ARHGAP15: variants seen among roughly 807,000 people sequenced by gnomAD.
ARHGAP15 encodes the protein Rho GTPase activating protein 15, also known as rho GTPase-activating protein 15.
A neutral mutation model predicts 63.7 loss-of-function variants in ARHGAP15; 51 were observed. That is an observed-to-expected ratio of 0.80 (90% confidence interval 0.64 to 1.01). The LOEUF is 1.01. Among genes scored for constraint, ARHGAP15 ranks in the 50% least tolerant of loss-of-function variants. ARHGAP15 has a pLI of 0.00. For synonymous variants in ARHGAP15, 191 were observed against 193.8 expected (o/e 0.99, Z 0.12); for missense variants, 560 against 564.6 (o/e 0.99, Z 0.08).
intron 11 of ARHGAP15, among the ~76,000 whole-genome samples, chr2:143,606,053 A>AAAAAAAAAAAAAAAAAAAAAC (rs1698006610): frequency 7.4e-6 from 1 of 134,548 alleles, no homozygotes; most frequent in East Asian, 2.1e-4. Flanking sequence ...AAAAAAAAAA[A>AAAAAAAAAAAAAAAAAAAAAC]AAAAAAAAAA....
intron 3 of ARHGAP15, among the ~76,000 whole-genome samples, chr2:143,205,563 C>A (rs1018344077): frequency 6.6e-6 from 1 of 152,196 alleles, no homozygotes; most frequent in Middle Eastern, 3.4e-3. Flanking sequence ...TTTGTTTTCA[C>A]TTCCAAGCTT....
At chr2:143,655,260 C>A (rs1478324344) in intron 12 of ARHGAP15, among the ~76,000 whole-genome samples, 2 of 151,972 alleles carry the variant, frequency 1.3e-5, no homozygotes, top group Non-Finnish European at 2.9e-5. Context: ...TATCCCTCGA[C>A]CCCCTCCCAC....
intron 9 of ARHGAP15, among the ~76,000 whole-genome samples, chr2:143,490,283 G>A (rs1692530068): frequency 6.6e-6 from 1 of 152,172 alleles, no homozygotes; most frequent in African/African-American, 2.4e-5. Flanking sequence ...ACAGGCATGA[G>A]CCACCACGCC....
chr2:143,536,660 G>A (rs1313718570), intron 10 of ARHGAP15, among the ~76,000 whole-genome samples: 3 of 151,788 alleles, frequency 2.0e-5, no homozygotes, highest in South Asian at 2.1e-4. Context: ...TGCTGAGAAT[G>A]ATGGTTTCCA....
intron 10 of ARHGAP15, among the ~76,000 whole-genome samples, chr2:143,537,904 A>C (rs556280009): frequency 2.6e-5 from 4 of 151,536 alleles, no homozygotes; most frequent in African/African-American, 9.7e-5. Context: ...AGTTTTTTCC[A>C]ATTCTGTGAA....
intron 6 of ARHGAP15, among the ~76,000 whole-genome samples, chr2:143,400,327 G>A (rs1687936503): frequency 6.6e-6 from 1 of 151,972 alleles, no homozygotes; most frequent in African/African-American, 2.4e-5. Flanking sequence ...GGCTCTACAG[G>A]AGGAGTTTGC....
At chr2:143,626,850 G>A (rs1175237481) in intron 12 of ARHGAP15, among the ~76,000 whole-genome samples, 3 of 152,072 alleles carry the variant, frequency 2.0e-5, no homozygotes, top group Non-Finnish European at 4.4e-5. Flanking sequence ...CTGTCATTAT[G>A]ATCTGAAAGT....
chr2:143,149,251 C>T (rs543120410), intron 1 of ARHGAP15, among the ~76,000 whole-genome samples: 71 of 152,044 alleles, frequency 4.7e-4, no homozygotes, highest in African/African-American at 1.7e-3. Context: ...CTTCGCTCCT[C>T]GTGGTGGACC....
chr2:143,189,819 T>G (rs886609645), intron 2 of ARHGAP15, among the ~76,000 whole-genome samples: 1 of 152,108 alleles, frequency 6.6e-6, no homozygotes, highest in African/African-American at 2.4e-5. Context: ...GGTTAGCTAT[T>G]TTTTCCTCCA....
chr2:143,476,388 A>T (rs1460612336), intron 8 of ARHGAP15, among the ~76,000 whole-genome samples: 1 of 152,238 alleles, frequency 6.6e-6, no homozygotes, highest in African/African-American at 2.4e-5. Context: ...CCTTGGGAAG[A>T]AAGGCACAAT....
At chr2:143,346,753 G>A (rs1483642250) in intron 6 of ARHGAP15, among the ~76,000 whole-genome samples, 2 of 152,066 alleles carry the variant, frequency 1.3e-5, no homozygotes, top group African/African-American at 4.8e-5. Flanking sequence ...GAGAGGTGTT[G>A]AAAATTGGTA....
At chr2:143,311,823 C>A (rs570436098) in intron 6 of ARHGAP15, among the ~76,000 whole-genome samples, 1 of 152,034 alleles carries the variant, frequency 6.6e-6, no homozygotes, top group African/African-American at 2.4e-5. Flanking sequence ...GATGGCAAAC[C>A]GGTTCAACAG....
intron 5 of ARHGAP15, among the ~76,000 whole-genome samples, chr2:143,233,642 C>G (rs1010648712): frequency 6.8e-6 from 1 of 148,106 alleles, no homozygotes; most frequent in Non-Finnish European, 1.5e-5. Flanking sequence ...TTTCCAATAG[C>G]TATCTTTTTT....
intron 11 of ARHGAP15, among the ~76,000 whole-genome samples, chr2:143,597,725 A>C (rs577590396): frequency 2.0e-5 from 3 of 152,162 alleles, no homozygotes; most frequent in Non-Finnish European, 4.4e-5. Context: ...GGTCTGTAGT[A>C]AAACAAAAAC....
chr2:143,199,153 G>A (rs1692004269), intron 2 of ARHGAP15, among the ~76,000 whole-genome samples: 1 of 152,016 alleles, frequency 6.6e-6, no homozygotes, highest in African/African-American at 2.4e-5. Flanking sequence ...AAGTATCAGT[G>A]GATAATTAAT....
chr2:143,709,997 G>A (rs1212460339), intron 13 of ARHGAP15, among the ~76,000 whole-genome samples: 4 of 152,128 alleles, frequency 2.6e-5, no homozygotes, highest in Admixed American at 6.5e-5. Flanking sequence ...TTTTGAGCAC[G>A]TTATGTTTTT....
intron 12 of ARHGAP15, among the ~76,000 whole-genome samples, chr2:143,639,262 G>A (rs777979490): frequency 8.6e-5 from 13 of 152,034 alleles, no homozygotes; most frequent in Non-Finnish European, 1.3e-4. Flanking sequence ...GCTCATACAC[G>A]TACTCAAAAC....
Position 143,476,716 on chromosome 2 carries a change from A to AAAAACAAAG in ARHGAP15, c.704-10655_704-10647dup, listed in dbSNP as rs570301890. Among the ~76,000 whole-genome samples, 345 of 152,368 alleles carry AAAAACAAAG rather than the reference A, an allele frequency of 2.3e-3. 2 individuals carry two copies. The highest frequency in any genetic ancestry group is 3.5e-3 in the Non-Finnish European group (237 of 68,032). ...TCCTTATTCAAGAGGATTATAAAATAAAAACAAAGATTCTGCAAGGAATCA... is the reference window on the plus strand; with the variant it reads ...TCCTTATTCAAGAGGATTATAAAATAAAAACAAAGAAAACAAAGATTCTGCAAGGAATCA... On this transcript the variant is annotated intron_variant, in intron 8 of 13. Transcript: ENST00000295095.
intron 2 of ARHGAP15, among the ~76,000 whole-genome samples, chr2:143,191,599 T>G (rs1253174352): frequency 6.6e-6 from 1 of 152,192 alleles, no homozygotes; most frequent in Non-Finnish European, 1.5e-5. Context: ...ATTAGTTGTA[T>G]GTGATTCTTA....
Sources: gnomAD v4.1 joint callset for allele counts (sites outside exome capture counted in the v4.1 genomes callset) on GRCh38, gnomAD v4.1.1 for gene constraint, MANE v1.5 for transcripts, NCBI Gene and HGNC (gene_info 2026-07-23, HGNC 2026-07-21) for gene names.